Variants in CCSER2 observed in about 807,000 individuals in gnomAD.
CCSER2 encodes coiled-coil serine rich protein 2, also known as serine-rich coiled-coil domain-containing protein 2.
CCSER2 carries 46 observed loss-of-function variants against 92.3 expected under a neutral mutation model. That is an observed-to-expected ratio of 0.50 (90% CI 0.39 to 0.64). The LOEUF is 0.64. Among genes scored for constraint, CCSER2 ranks in the 30% least tolerant of loss-of-function variants. The pLI is 0.00. For missense variants in CCSER2, 1,244 were observed against 1,238.9 expected (o/e 1.00, Z -0.06); for synonymous variants, 433 against 431.4 (o/e 1.00, Z -0.04).
chr10:84,437,513 CAA>C lies in CCSER2; in HGVS notation c.1869-989_1869-988del, dbSNP rs11312592. Among the ~76,000 whole-genome samples the C allele has an allele frequency of 3.8e-4, 56 of 147,440 alleles. No homozygotes were observed. The South Asian group carries it at 0.012, about 30-fold the overall frequency. On this transcript the variant is annotated intron_variant, in intron 5 of 9. Coordinates refer to ENST00000372088, the MANE Select transcript of CCSER2 (RefSeq NM_001284240.2). The stretch of plus-strand genomic sequence containing the variant: ...TGGATGACTGAGCGAGACTCTGTCT[CAA>C]AAAAAAAAAGTTCTCCTCACAGTTT...
intron 3 of CCSER2, among the ~76,000 whole-genome samples, chr10:84,394,780 C>A (rs146589390): frequency 2.6e-5 from 4 of 152,176 alleles, no homozygotes; most frequent in African/African-American, 9.6e-5. Context: ...GATCTTCATA[C>A]ACCCCACCTA....
intron 3 of CCSER2, among the ~76,000 whole-genome samples, chr10:84,380,337 A>G (rs1840826268): frequency 6.6e-6 from 1 of 151,434 alleles, no homozygotes; most frequent in South Asian, 2.1e-4. Context: ...CATTTTTCTT[A>G]TTGATATGGA....
chr10:84,438,819 T>C, intron 6 of CCSER2, 112 bp downstream of exon 6: 2 of 656,092 alleles, frequency 3.0e-6, no homozygotes, highest in Non-Finnish European at 5.1e-6. Flanking sequence ...TTTAGATTTC[T>C]GTAGAATAAT....
intron 1 of CCSER2, among the ~76,000 whole-genome samples, chr10:84,370,337 A>G (rs1226301651): frequency 6.6e-6 from 1 of 151,848 alleles, no homozygotes; most frequent in African/African-American, 2.4e-5. Flanking sequence ...CCTTGTAGAG[A>G]TCTTTTACTT....
At chr10:84,487,482 A>G (rs1182116588) in intron 9 of CCSER2, among the ~76,000 whole-genome samples, 2 of 152,014 alleles carry the variant, frequency 1.3e-5, no homozygotes, top group Non-Finnish European at 2.9e-5. Flanking sequence ...TTGGATTCCT[A>G]TGTATTTTAT....
chr10:84,469,433 G>A (rs1210757604), intron 7 of CCSER2, among the ~76,000 whole-genome samples: 1 of 152,034 alleles, frequency 6.6e-6, no homozygotes, highest in East Asian at 1.9e-4. Flanking sequence ...TATGTGATAT[G>A]TTCAAGGCTT....
In CCSER2 at chr10:84,517,554, A is replaced by G. The variant is rs985887126; in HGVS notation, c.*3287A>G. 1.6e-4 allele frequency: 25 copies of G among 152,644 alleles called. No individual in the cohort carries two copies. The highest frequency in any genetic ancestry group is 5.5e-4 in the African/African-American group (23 of 41,446). 9.5% of individuals were successfully genotyped at this position (152,644 alleles called of 1,614,324 possible). ...ACTTTAAATGAGCTTAATTGCTTGAAGTTGTGCCTGAAATATCGAATTGCC... is the reference window on the plus strand; with the variant it reads ...ACTTTAAATGAGCTTAATTGCTTGAGGTTGTGCCTGAAATATCGAATTGCC... On this transcript the variant is annotated 3_prime_UTR_variant, in exon 10 of 10. Transcript: ENST00000372088.
chr10:84,490,772 A>G (rs1376354651), intron 9 of CCSER2, among the ~76,000 whole-genome samples: 1 of 152,130 alleles, frequency 6.6e-6, no homozygotes, highest in Non-Finnish European at 1.5e-5. Flanking sequence ...GCTTTGTTCC[A>G]TTGCTGGCGA....
chr10:84,408,187 T>C (rs1842467395), intron 3 of CCSER2, among the ~76,000 whole-genome samples: 1 of 152,178 alleles, frequency 6.6e-6, no homozygotes, highest in African/African-American at 2.4e-5. Context: ...AACATAAGTA[T>C]GTGATTACGT....
At chr10:84,449,804 G>A (rs891994531) in intron 6 of CCSER2, among the ~76,000 whole-genome samples, 9 of 151,028 alleles carry the variant, frequency 6.0e-5, no homozygotes, top group South Asian at 2.1e-4. Flanking sequence ...CTGAGATCGC[G>A]CCATTGCACT....
At chr10:84,478,759 T>C (rs141627857) in intron 9 of CCSER2, among the ~76,000 whole-genome samples, 11 of 152,318 alleles carry the variant, frequency 7.2e-5, no homozygotes, top group Non-Finnish European at 1.6e-4. Context: ...TAAAGTGCTG[T>C]GTAAGTCTAT....
At chr10:84,473,914 A>T (rs886611165) in intron 8 of CCSER2, among the ~76,000 whole-genome samples, 6 of 152,126 alleles carry the variant, frequency 3.9e-5, no homozygotes, top group Non-Finnish European at 8.8e-5. Flanking sequence ...TTATCTTTTT[A>T]AAAAATATAC....
At chr10:84,353,142 T>G (rs1007928619) in intron 1 of CCSER2, among the ~76,000 whole-genome samples, 9 of 152,186 alleles carry the variant, frequency 5.9e-5, no homozygotes, top group Non-Finnish European at 1.2e-4. Context: ...ATATACCTAC[T>G]TGGTAAAAAT....
intron 3 of CCSER2, among the ~76,000 whole-genome samples, chr10:84,390,494 G>A (rs947457051): frequency 1.8e-4 from 28 of 152,096 alleles, no homozygotes; most frequent in Admixed American, 1.3e-3. Flanking sequence ...TAACAATAAC[G>A]ATATTTGTGT....
At chr10:84,460,365 A>G (rs1322177725) in intron 6 of CCSER2, among the ~76,000 whole-genome samples, 1 of 150,340 alleles carries the variant, frequency 6.7e-6, no homozygotes, top group Admixed American at 6.6e-5. Flanking sequence ...TTGGCCTCCC[A>G]AAGTGCTGGG....
rs577156795 is a variant in CCSER2 at position 84,424,650 on chromosome 10, A to AT, written c.1706-1078dup. Among the ~76,000 whole-genome samples the AT allele has an allele frequency of 3.3e-4, 50 of 152,172 alleles. No homozygotes were observed. The East Asian group carries it at 9.3e-3, about 28-fold the overall frequency. On this transcript the variant is annotated intron_variant, in intron 4 of 9. Transcript: ENST00000372088. ...AGGTTTTTGGTTCAGTGAAACAGTA[A>AT]TTTAAATAAGCGAGGTTTTTTTTTT...
intron 1 of CCSER2, among the ~76,000 whole-genome samples, chr10:84,347,528 A>T (rs2133049470): frequency 7.0e-6 from 1 of 142,948 alleles, no homozygotes; most frequent in African/African-American, 2.7e-5. Flanking sequence ...TCCCTCCCGG[A>T]CGGGGCGGCT....
chr10:84,492,904 T>A (rs924320169), intron 9 of CCSER2, among the ~76,000 whole-genome samples: 4 of 152,194 alleles, frequency 2.6e-5, no homozygotes, highest in African/African-American at 9.6e-5. Flanking sequence ...GGGTTAATGC[T>A]TTTTATTCTT....
intron 1 of CCSER2, among the ~76,000 whole-genome samples, chr10:84,350,818 T>TA (rs1844821900): frequency 1.3e-5 from 2 of 152,226 alleles, no homozygotes; most frequent in African/African-American, 4.8e-5. Flanking sequence ...CAGCAACCGT[T>TA]ATGTGTGCTC....
Sources: allele counts gnomAD v4.1 joint callset (sites outside exome capture counted in the v4.1 genomes callset), GRCh38; gene constraint gnomAD v4.1.1; transcripts MANE v1.5; gene names NCBI Gene and HGNC (gene_info 2026-07-23, HGNC 2026-07-21).